FA2H: variants seen among roughly 807,000 people sequenced by gnomAD.
The protein encoded by FA2H is fatty acid 2-hydroxylase.
In FA2H, 22 loss-of-function variants were observed where a neutral mutation model predicts 44.9. The ratio of observed to expected loss-of-function variants is 0.49; its 90% CI spans 0.35 to 0.70. FA2H has a LOEUF of 0.70. Ranked by LOEUF, FA2H falls within the 30% of genes least tolerant of loss-of-function variation. FA2H has a pLI of 0.01. For synonymous variants in FA2H, 243 were observed against 213.2 expected, an observed-to-expected ratio of 1.14 and a Z score of -1.22; for missense variants, 501 against 504.9, an observed-to-expected ratio of 0.99 and a Z score of 0.07.
At chr16:74,747,088 A>C (rs1468167836) in intron 1 of FA2H, among the ~76,000 whole-genome samples, 2 of 152,138 alleles carry the variant, frequency 1.3e-5, no homozygotes, top group Admixed American at 1.3e-4. Context: ...AGGCAGGTGG[A>C]TCACCTGAGG....
intron 2 of FA2H, among the ~76,000 whole-genome samples, chr16:74,733,897 A>T (rs1962128665): frequency 1.3e-5 from 2 of 152,192 alleles, no homozygotes; most frequent in African/African-American, 4.8e-5. Flanking sequence ...TTCCCCAGGA[A>T]AGCGTCCTAT....
intron 2 of FA2H, among the ~76,000 whole-genome samples, chr16:74,737,090 T>A (rs1334016852): frequency 6.6e-6 from 1 of 152,188 alleles, no homozygotes; most frequent in East Asian, 1.9e-4. Flanking sequence ...GGCAGCGAAC[T>A]TCTGCAAACC....
chr16:74,748,684 G>C (rs1471579034), intron 1 of FA2H, among the ~76,000 whole-genome samples: 2 of 151,860 alleles, frequency 1.3e-5, no homozygotes, highest in African/African-American at 4.8e-5. Context: ...AGAGAACAGA[G>C]AAGAACAACA....
At chr16:74,766,430 G>A (rs192468684) in intron 1 of FA2H, among the ~76,000 whole-genome samples, 2 of 152,288 alleles carry the variant, frequency 1.3e-5, no homozygotes, top group African/African-American at 4.8e-5. Context: ...GTGGAAGAAA[G>A]AGGATTCAAG....
At chr16:74,753,984 T>A (rs184451878) in intron 1 of FA2H, among the ~76,000 whole-genome samples, 2 of 152,308 alleles carry the variant, frequency 1.3e-5, no homozygotes, top group East Asian at 1.9e-4. Flanking sequence ...TTCACATGAG[T>A]CTTCGACATT....
At chr16:74,757,919 T>G (rs1295940385) in intron 1 of FA2H, among the ~76,000 whole-genome samples, 2 of 151,868 alleles carry the variant, frequency 1.3e-5, no homozygotes, top group African/African-American at 4.8e-5. Flanking sequence ...TTTGGGAGGC[T>G]AAGGTGGGAG....
At chr16:74,750,230 T>C (rs1962504027) in intron 1 of FA2H, among the ~76,000 whole-genome samples, 4 of 152,176 alleles carry the variant, frequency 2.6e-5, no homozygotes, top group African/African-American at 7.2e-5. Flanking sequence ...AAAATACACG[T>C]ACGACACCTA....
intron 2 of FA2H, among the ~76,000 whole-genome samples, chr16:74,731,984 C>CA (rs1392590176): frequency 6.6e-6 from 1 of 152,180 alleles, no homozygotes. Context: ...GCAATTCTCC[C>CA]ACCTCAGCTT....
chr16:74,717,942 GTGAGGC>G, intron 5 of FA2H, among the ~76,000 whole-genome samples: 1 of 152,348 alleles, frequency 6.6e-6, no homozygotes, highest in South Asian at 2.1e-4. Flanking sequence ...CAGAGGCCAG[GTGAGGC>G]TGGAGGACAC....
intron 1 of FA2H, among the ~76,000 whole-genome samples, chr16:74,761,986 C>G (rs1227573201): frequency 6.6e-6 from 1 of 152,198 alleles, no homozygotes; most frequent in Non-Finnish European, 1.5e-5. Context: ...TAAGATGACT[C>G]ATTTAGGAGT....
chr16:74,767,866 G>C (rs1398930153), intron 1 of FA2H, among the ~76,000 whole-genome samples: 1 of 152,230 alleles, frequency 6.6e-6, no homozygotes, highest in Non-Finnish European at 1.5e-5. Context: ...GCATCCAGCA[G>C]CCAGGTGAAG....
rs191677913 is a variant in FA2H, at chr16:74,763,666, G to T, written c.270+10820C>A. On this transcript the variant is annotated intron_variant, in intron 1 of 6. Coordinates refer to ENST00000219368, the MANE Select transcript of FA2H (RefSeq NM_024306.5). ...TTCAATGCTAAGCAACACTGGAAAG[G>T]TCCTACTGGGCACAAGAGAACACAG... 2.6e-5 allele frequency among the ~76,000 whole-genome samples: 4 copies of T among 152,246 alleles called. No homozygotes were observed. The East Asian group carries it at 7.7e-4, about 29-fold the overall frequency.
intron 4 of FA2H, among the ~76,000 whole-genome samples, chr16:74,720,180 CTTTTTTTTTTTTT>C (rs56341013): frequency 4.7e-4 from 22 of 47,242 alleles, no homozygotes; most frequent in Admixed American, 2.7e-3. Flanking sequence ...CATCCTCATC[CTTTTTTTTTTTTT>C]TTTTTTTTTT....
Position 74,774,538 on chromosome 16 carries a change from G to C in FA2H, c.218C>G (p.Ala73Gly). ...DGPPHRHSAN[A>G]RRWLEQYYVG... The stretch of plus-strand genomic sequence containing the variant: ...GTAGTACTGCTCCAGCCAGCGGCGC[G>C]CGTTGGCCGAGTGCCTGTGCGGCGG... The change falls in exon 1 of 7, where the codon GCG becomes GGG. Residue 73 changes from alanine to glycine, a missense_variant. By Grantham distance (60) the Ala-to-Gly change is moderately conservative. Coordinates refer to ENST00000219368, the MANE Select transcript of FA2H (RefSeq NM_024306.5). 1 of 1,545,986 alleles carries C rather than the reference G, an allele frequency of 6.5e-7. No individual in the cohort carries two copies. The highest frequency in any genetic ancestry group is 8.7e-7 in the Non-Finnish European group (1 of 1,155,996).
rs556408110 is a variant in FA2H, at chr16:74,740,226, G to C, written c.271-111C>G. 1.8e-5 allele frequency: 15 copies of C among 836,550 alleles called. No individual in the cohort carries two copies. The East Asian group carries it at 3.4e-4, about 19-fold the overall frequency. The allele number at this position is 836,550 out of a possible 1,614,324, so 51.8% of individuals were successfully genotyped here. ...GGAGTGGTGAGAGCCCCGTGGGTGGGGCAGGGTGGTGGAGATCAAGGACGC... is the reference window on the plus strand; with the variant it reads ...GGAGTGGTGAGAGCCCCGTGGGTGGCGCAGGGTGGTGGAGATCAAGGACGC... On this transcript the variant is annotated intron_variant, in intron 1 of 6. Transcript: ENST00000219368.
chr16:74,731,552 GCT>G (rs1178519945), intron 2 of FA2H, among the ~76,000 whole-genome samples: 2 of 151,882 alleles, frequency 1.3e-5, no homozygotes, highest in Non-Finnish European at 2.9e-5. Flanking sequence ...GACAGGGCTT[GCT>G]CTGTCACCCA....
chr16:74,740,274 G>C (rs942367348), intron 1 of FA2H, among the ~76,000 whole-genome samples, 159 bp from the exon 2 acceptor site: 2 of 152,090 alleles, frequency 1.3e-5, no homozygotes, highest in Non-Finnish European at 2.9e-5. Context: ...AAAACAGAGA[G>C]ACCCTGATGT....
At chr16:74,753,303 A>G (rs1567647071) in intron 1 of FA2H, among the ~76,000 whole-genome samples, 1 of 152,210 alleles carries the variant, frequency 6.6e-6, no homozygotes, top group Non-Finnish European at 1.5e-5. Flanking sequence ...GGGCAAGAGC[A>G]TGGGCTGCCC....
At chr16:74,757,389 G>C (rs1351565343) in intron 1 of FA2H, among the ~76,000 whole-genome samples, 1 of 152,176 alleles carries the variant, frequency 6.6e-6, no homozygotes, top group African/African-American at 2.4e-5. Flanking sequence ...CACGTTTTTG[G>C]AGGGAGTTAA....
Sources: gnomAD v4.1 joint callset for allele counts (sites outside exome capture counted in the v4.1 genomes callset) on GRCh38, gnomAD v4.1.1 for gene constraint, MANE v1.5 for transcripts, NCBI Gene and HGNC (gene_info 2026-07-23, HGNC 2026-07-21) for gene names.